The following PRIMPOL variants were observed in gnomAD, a reference collection of about 807,000 sequenced individuals.
PRIMPOL encodes the protein DNA-directed primase/polymerase protein.
In PRIMPOL, 54 loss-of-function variants were observed where a neutral mutation model predicts 63.6. The observed-to-expected ratio is 0.85, with a 90% confidence interval of 0.68 to 1.07. The LOEUF (loss-of-function observed/expected upper bound fraction) is 1.07. Among genes scored for constraint, PRIMPOL ranks in the 50% least tolerant of loss-of-function variants. The pLI is 0.00. For synonymous variants in PRIMPOL, 197 were observed against 220.2 expected (o/e 0.89, Z 0.93); for missense variants, 610 against 648.3 (o/e 0.94, Z 0.64).
At chr4:184,673,712 T>G (rs1049874953) in intron 7 of PRIMPOL, among the ~76,000 whole-genome samples, 4 of 152,176 alleles carry the variant, frequency 2.6e-5, no homozygotes, top group Non-Finnish European at 5.9e-5. Context: ...TGTGAGCCAC[T>G]GCGCCCGCCA....
chr4:184,685,683 A>C lies in PRIMPOL; in HGVS notation c.1294A>C (p.Met432Leu). Residue 432 changes from methionine (M) to leucine (L), a missense_variant and splice_region_variant, in exon 11 of 14, where the codon ATG becomes CTG. Around this residue, in one of 3 missense-constraint regions of PRIMPOL, gnomAD observed 444 missense variants for 456.4 expected, o/e 0.97. Coordinates refer to ENST00000314970, the MANE Select transcript of PRIMPOL (RefSeq NM_152683.4). ...IGRAHKSNNI[M>L]ILVDLKNEVW... Reference sequence around the variant, plus strand: ...AAGAGCCCATAAGAGTAATAATATAATGTAAGTAATATTAATGATTTGTGT... The same window carrying C: ...AAGAGCCCATAAGAGTAATAATATACTGTAAGTAATATTAATGATTTGTGT... The C allele has an allele frequency of 7.5e-7, 1 of 1,330,042 alleles. No individual in the cohort carries two copies. The highest frequency in any genetic ancestry group is 1.1e-6 in the Non-Finnish European group (1 of 934,694). The allele number at this position is 1,330,042 out of a possible 1,614,324, so 82.4% of individuals were successfully genotyped here.
intron 6 of PRIMPOL, among the ~76,000 whole-genome samples, chr4:184,666,512 A>G (rs1159871528): frequency 6.6e-6 from 1 of 152,168 alleles, no homozygotes; most frequent in Non-Finnish European, 1.5e-5. Context: ...ATGTTCCCTT[A>G]GCTTTGGACC....
At chr4:184,657,806 C>G (rs1746886525) in intron 3 of PRIMPOL, among the ~76,000 whole-genome samples, 1 of 151,902 alleles carries the variant, frequency 6.6e-6, no homozygotes, top group East Asian at 1.9e-4. Context: ...CCAGCCTCAC[C>G]AACATGGAGA....
intron 7 of PRIMPOL, among the ~76,000 whole-genome samples, chr4:184,675,503 G>GT (rs1261462156): frequency 6.6e-6 from 1 of 151,820 alleles, no homozygotes; most frequent in African/African-American, 2.4e-5. Flanking sequence ...TCAAATTGTT[G>GT]TAAGTCCCCC....
rs1263985540 is a variant in PRIMPOL at position 184,657,076 on chromosome 4, T to C, written c.-59-6T>C. 183 of 1,229,066 alleles carry C rather than the reference T, an allele frequency of 1.5e-4. No homozygotes were observed. The highest frequency in any genetic ancestry group is 1.2e-5 in the Non-Finnish European group (11 of 917,790). The allele number at this position is 1,229,066 out of a possible 1,614,324, so 76.1% of individuals were successfully genotyped here. ...TAATGGCCTTTTTGTTTGTTGTTTG[T>C]TTTAGTAGTAATTGATAGAAATATT... On this transcript the variant is annotated splice_region_variant and splice_polypyrimidine_tract_variant and intron_variant, in intron 2 of 13. Transcript: ENST00000314970.
At chr4:184,691,225 T>C in intron 11 of PRIMPOL, 1 of 302,810 alleles carries the variant, frequency 3.3e-6, no homozygotes, top group Non-Finnish European at 6.0e-6. Flanking sequence ...TGCTCACATA[T>C]TTTGCAGCTG....
Position 184,685,662 on chromosome 4 carries a change from G to A in PRIMPOL, c.1273G>A (p.Ala425Thr), listed in dbSNP as rs776422852. ...KYRWCENIGR[A>T]HKSNNIMILV... ...TCGGTGGTGTGAAAACATTGGAAGA[G>A]CCCATAAGAGTAATAATATAATGTA... The change falls in exon 11 of 14, where the codon GCC (alanine) becomes ACC (threonine). Residue 425 changes from alanine (A) to threonine (T), a missense_variant. Ala to Thr is a moderately conservative substitution (Grantham distance 58). Around this residue, in one of 3 missense-constraint regions of PRIMPOL, gnomAD observed 444 missense variants for 456.4 expected, o/e 0.97. Transcript: ENST00000314970. 16 of 1,543,946 alleles carry A rather than the reference G, an allele frequency of 1.0e-5. No individual in the cohort carries two copies. In the African/African-American group the frequency reaches 2.0e-4, roughly 20 times the overall value.
At chr4:184,658,191 A>G (rs10001960) in intron 3 of PRIMPOL, among the ~76,000 whole-genome samples, 4,659 of 151,986 alleles carry the variant, frequency 0.031, 251 homozygotes, top group African/African-American at 0.11. Flanking sequence ...AAAATCTCCA[A>G]GTGCTGGAAG....
intron 11 of PRIMPOL, among the ~76,000 whole-genome samples, chr4:184,686,947 A>G (rs1318845987): frequency 6.6e-6 from 1 of 152,212 alleles, no homozygotes; most frequent in East Asian, 1.9e-4. Flanking sequence ...TCTTTTTTCT[A>G]TGCGTATTAA....
intron 13 of PRIMPOL, among the ~76,000 whole-genome samples, chr4:184,693,282 C>G (rs896583149): frequency 3.3e-5 from 5 of 152,142 alleles, no homozygotes; most frequent in African/African-American, 9.7e-5. Flanking sequence ...AAAAAATAAA[C>G]TGTCTCCAAG....
intron 11 of PRIMPOL, among the ~76,000 whole-genome samples, chr4:184,687,317 C>G (rs141385897): frequency 6.6e-6 from 1 of 151,854 alleles, no homozygotes; most frequent in Non-Finnish European, 1.5e-5. Flanking sequence ...GTGATCTGCC[C>G]GCCTTGGCCT....
At chr4:184,650,116 G>T (rs1743755038) in intron 1 of PRIMPOL, among the ~76,000 whole-genome samples, 1 of 152,250 alleles carries the variant, frequency 6.6e-6, no homozygotes, top group East Asian at 1.9e-4. Context: ...AGTTCCCAAG[G>T]AGGCAGTTCT....
rs202179118 is a variant in PRIMPOL at position 184,672,416 on chromosome 4, T to C, written c.800T>C (p.Val267Ala). ...EQSSPDLSFL[V>A]VKNNMGEKHL... ...AGCAGTCCTGACCTTTCATTTCTAG[T>C]TGTGAAGAATAACATGGGAGAGAAG... Residue 267 changes from valine to alanine, a missense_variant, in exon 7 of 14, where the codon GTT becomes GCT. Val to Ala is a moderately conservative substitution (Grantham distance 64). Coordinates refer to ENST00000314970, the MANE Select transcript of PRIMPOL (RefSeq NM_152683.4). 16 of 1,612,222 alleles carry C rather than the reference T, an allele frequency of 9.9e-6. No homozygotes were observed. In the Admixed American group the frequency reaches 2.0e-4, roughly 20 times the overall value.
intron 5 of PRIMPOL, among the ~76,000 whole-genome samples, chr4:184,664,371 G>A (rs1237638940): frequency 1.3e-5 from 2 of 152,208 alleles, no homozygotes; most frequent in Non-Finnish European, 2.9e-5. Flanking sequence ...TCTAATGGAG[G>A]ATAATACGTT....
At chr4:184,659,764 G>A (rs1747747285) in intron 4 of PRIMPOL, among the ~76,000 whole-genome samples, 1 of 152,088 alleles carries the variant, frequency 6.6e-6, no homozygotes. Flanking sequence ...TGAAATATCT[G>A]CTTTATCTTG....
In PRIMPOL at chr4:184,691,519, A is replaced by G. The variant is rs1374652813; in HGVS notation, c.1316A>G (p.Asn439Ser). Reference sequence around the variant, plus strand: ...TAAAGGATTCTGGTTGATCTGAAAAATGAAGTTTGGTATCAAAAATGTCAT... The same window carrying G: ...TAAAGGATTCTGGTTGATCTGAAAAGTGAAGTTTGGTATCAAAAATGTCAT... ...NNIMILVDLK[N>S]EVWYQKCHDP... is the part of the protein sequence containing the mutation. The change falls in exon 12 of 14, where the codon AAT (asparagine) becomes AGT (serine). Residue 439 changes from asparagine (N) to serine (S), a missense_variant. Physicochemically the swap from Asn to Ser is conservative, Grantham distance 46. Transcript: ENST00000314970. 3 of 1,600,174 alleles carry G rather than the reference A, an allele frequency of 1.9e-6. No homozygotes were observed. The highest frequency in any genetic ancestry group is 2.6e-6 in the Non-Finnish European group (3 of 1,171,010).
At chr4:184,652,257 G>A (rs1298628403) in intron 2 of PRIMPOL, among the ~76,000 whole-genome samples, 157 bp downstream of exon 2, 1 of 152,118 alleles carries the variant, frequency 6.6e-6, no homozygotes. Context: ...TTTAGACTTC[G>A]TGACGTTAGT....
chr4:184,687,724 C>T (rs1346828633), intron 11 of PRIMPOL, among the ~76,000 whole-genome samples: 1 of 152,220 alleles, frequency 6.6e-6, no homozygotes, highest in African/African-American at 2.4e-5. Context: ...AAGCAATTCT[C>T]CGGCCTCAGC....
At chr4:184,650,125 C>T (rs759725670) in intron 1 of PRIMPOL, among the ~76,000 whole-genome samples, 27 of 152,376 alleles carry the variant, frequency 1.8e-4, no homozygotes, top group Non-Finnish European at 3.4e-4. Flanking sequence ...GGAGGCAGTT[C>T]TCAGCACTTG....
Sources: gnomAD v4.1 joint callset for allele counts (sites outside exome capture counted in the v4.1 genomes callset) on GRCh38, gnomAD v4.1.1 for gene constraint, gnomAD v4.1.1 regional missense constraint, MANE v1.5 for transcripts, NCBI Gene and HGNC (gene_info 2026-07-23, HGNC 2026-07-21) for gene names.